The following SHANK2 variants were observed in gnomAD, a reference collection of about 807,000 sequenced individuals.
SHANK2 encodes the protein SH3 and multiple ankyrin repeat domains 2, also known as SH3 and multiple ankyrin repeat domains protein 2.
SHANK2 carries 43 observed loss-of-function variants against 133.7 expected under a neutral mutation model. The observed-to-expected ratio is 0.32, with a 90% CI of 0.25 to 0.41. The LOEUF (loss-of-function observed/expected upper bound fraction) is 0.41, where lower values mean the gene tolerates loss of function less well. Ranked by LOEUF, SHANK2 falls within the 10% of genes least tolerant of loss-of-function variation. The pLI, the probability that SHANK2 is intolerant of heterozygous loss-of-function variation, is 1.00. For missense variants in SHANK2, 1,994 were observed against 2,235.8 expected, an observed-to-expected ratio of 0.89 and a Z score of 2.18; for synonymous variants, 1,017 against 952.8, an observed-to-expected ratio of 1.07 and a Z score of -1.24.
At position 70,797,408 on chromosome 11, in the gene SHANK2, C is replaced by T. The variant is rs73529999; in HGVS notation, c.1777+1035G>A. 2.6e-3 allele frequency among the ~76,000 whole-genome samples: 392 copies of T among 152,322 alleles called. 1 individual carries two copies. Among genetic ancestry groups the T allele is most frequent in the African/African-American group, 9.1e-3 (378 of 41,568 alleles). On this transcript the variant is annotated intron_variant, in intron 14 of 25. Transcript: ENST00000601538. The stretch of plus-strand genomic sequence containing the variant: ...TGTCTAAGCCTGAGCAGGGACTCAT[C>T]AGCAGGGAAGCTGATGCACGAACTG...
At chr11:70,676,698 G>A (rs932037741) in intron 15 of SHANK2, among the ~76,000 whole-genome samples, 6 of 152,140 alleles carry the variant, frequency 3.9e-5, no homozygotes, top group Admixed American at 1.3e-4. Context: ...TAGAAGATAC[G>A]GGCAAAACAC....
intron 8 of SHANK2, among the ~76,000 whole-genome samples, chr11:71,081,084 C>T (rs886117082): frequency 1.1e-4 from 17 of 152,216 alleles, no homozygotes; most frequent in Non-Finnish European, 2.4e-4. Flanking sequence ...CATTAGGGGG[C>T]CCCTAATCCC....
intron 15 of SHANK2, among the ~76,000 whole-genome samples, chr11:70,676,445 G>A (rs545399022): frequency 4.6e-5 from 7 of 152,310 alleles, no homozygotes; most frequent in East Asian, 1.9e-4. Flanking sequence ...TGAGTAGGAC[G>A]TGCTATGGGG....
chr11:70,867,746 T>C (rs150717750), intron 11 of SHANK2, among the ~76,000 whole-genome samples: 11 of 152,220 alleles, frequency 7.2e-5, no homozygotes, highest in Non-Finnish European at 1.3e-4. Flanking sequence ...GTGACAATAT[T>C]CCACTGCTGA....
chr11:70,473,099 A>G lies in SHANK2; in HGVS notation c.5320T>C (p.Ser1774Pro). The G allele has an allele frequency of 6.2e-7, 1 of 1,614,218 alleles. No individual in the cohort carries two copies. The highest frequency in any genetic ancestry group is 8.5e-7 in the Non-Finnish European group (1 of 1,180,040). The change falls in exon 26 of 26, where the codon TCA (serine) becomes CCA (proline). Residue 1774 changes from serine to proline, a missense_variant. Coordinates refer to ENST00000601538, the MANE Select transcript of SHANK2 (RefSeq NM_012309.5). The surrounding 1 kb of genome is among the most constrained non-coding windows in gnomAD (Gnocchi z 5.9). ...GGTTTAGTTGTAAAAGGCTTATTTGAGATTGGCTGTTGCAGTATCGAGGGG... is the reference window on the plus strand; with the variant it reads ...GGTTTAGTTGTAAAAGGCTTATTTGGGATTGGCTGTTGCAGTATCGAGGGG... ...PSPSILQQPI[S>P]NKPFTTKPVH...
chr11:70,886,697 TCACACACA>T (rs10579290), intron 11 of SHANK2, among the ~76,000 whole-genome samples: 159 of 143,554 alleles, frequency 1.1e-3, no homozygotes, highest in African/African-American at 3.4e-3. Flanking sequence ...AATCACACAA[TCACACACA>T]CACACACACA....
intron 17 of SHANK2, among the ~76,000 whole-genome samples, chr11:70,560,879 G>T (rs946950322): frequency 1.3e-5 from 2 of 151,932 alleles, no homozygotes; most frequent in Non-Finnish European, 2.9e-5. Context: ...CGCCTGCCTC[G>T]GCCTCCCAAA....
At chr11:70,935,382 C>T (rs2135818513) in intron 10 of SHANK2, among the ~76,000 whole-genome samples, 1 of 152,254 alleles carries the variant, frequency 6.6e-6, no homozygotes. Context: ...GCTACAGTCT[C>T]ATTTTGCAGA....
chr11:70,648,683 G>A (rs146219078), intron 17 of SHANK2, among the ~76,000 whole-genome samples: 77 of 152,246 alleles, frequency 5.1e-4, no homozygotes, highest in Middle Eastern at 3.4e-3. Flanking sequence ...GGCTTCTCAC[G>A]CTCTCTCTGA....
chr11:70,930,858 G>T (rs1950494463), intron 10 of SHANK2, among the ~76,000 whole-genome samples: 1 of 150,688 alleles, frequency 6.6e-6, no homozygotes, highest in African/African-American at 2.4e-5. Context: ...TTAGAGATGG[G>T]GTCTCACTAT....
At chr11:70,590,074 G>A (rs938392422) in intron 17 of SHANK2, among the ~76,000 whole-genome samples, 1 of 152,234 alleles carries the variant, frequency 6.6e-6, no homozygotes, top group Admixed American at 6.5e-5. Context: ...AGAACGGCGT[G>A]AACCTGGGAG....
At chr11:71,116,860 C>T (rs937871458) in intron 4 of SHANK2, among the ~76,000 whole-genome samples, 7 of 152,134 alleles carry the variant, frequency 4.6e-5, no homozygotes, top group Admixed American at 4.6e-4. Flanking sequence ...GCTCTCACAC[C>T]CCCTCTTGCC....
intron 21 of SHANK2, among the ~76,000 whole-genome samples, chr11:70,499,715 G>A (rs1178533285): frequency 3.9e-5 from 6 of 152,204 alleles, no homozygotes; most frequent in Non-Finnish European, 5.9e-5. Flanking sequence ...TAGAAAGCCC[G>A]CTGGGAGTTT....
At chr11:70,943,800 T>A (rs1409702322) in intron 10 of SHANK2, 2 of 409,940 alleles carry the variant, frequency 4.9e-6, no homozygotes, top group Admixed American at 5.2e-5. Flanking sequence ...GGGTATGAGC[T>A]GCTCCCCTCC....
rs1260029408 is a variant in SHANK2, at chr11:71,191,180, G to GA, written c.-13+33516dup. On this transcript the variant is annotated intron_variant, in intron 2 of 25. Transcript: ENST00000601538. ...AGCAAGACCTTGTCTAAAGAAAAAA[G>GA]AAAAAAAAAATGCAAAAATGAACGC... 4.8e-3 allele frequency among the ~76,000 whole-genome samples: 698 copies of GA among 145,876 alleles called. 9 individuals carry two copies. The highest frequency in any genetic ancestry group is 0.015 in the African/African-American group (591 of 39,844).
intron 21 of SHANK2, among the ~76,000 whole-genome samples, chr11:70,499,688 G>T (rs1336341746): frequency 6.6e-6 from 1 of 152,202 alleles, no homozygotes; most frequent in African/African-American, 2.4e-5. Context: ...CCACATCCTC[G>T]GCGCAGCAGT....
intron 14 of SHANK2, among the ~76,000 whole-genome samples, chr11:70,759,186 A>G (rs1313266605): frequency 7.4e-6 from 1 of 134,366 alleles, no homozygotes; most frequent in Admixed American, 7.5e-5. Context: ...AAACCAAACC[A>G]AAACAAAACA....
At chr11:71,096,676 C>T (rs1194091912) in intron 6 of SHANK2, among the ~76,000 whole-genome samples, 6 of 152,146 alleles carry the variant, frequency 3.9e-5, no homozygotes, top group South Asian at 2.1e-4. Context: ...ACTTAATGAG[C>T]GTGTGACACT....
chr11:70,502,048 C>T lies in SHANK2; in HGVS notation c.2279-117G>A, dbSNP rs139768811. On this transcript the variant is annotated intron_variant, in intron 19 of 25. Coordinates refer to ENST00000601538, the MANE Select transcript of SHANK2 (RefSeq NM_012309.5). The stretch of plus-strand genomic sequence containing the variant: ...CGAGGGAGGTGCACACATGGGGCTG[C>T]GGGGCATGCAGGGGCATTTCCTGAT... 584 of 1,342,770 alleles carry T rather than the reference C, an allele frequency of 4.3e-4. 1 individual carries two copies. The African/African-American group carries it at 6.9e-3, about 16-fold the overall frequency. The allele number at this position is 1,342,770 out of a possible 1,614,324, so 83.2% of individuals were successfully genotyped here. A position where few individuals can be genotyped will look rare whatever the true frequency, so the allele number is the denominator to read the frequency against.
Sources: allele counts gnomAD v4.1 joint callset (sites outside exome capture counted in the v4.1 genomes callset), GRCh38; gene constraint gnomAD v4.1.1; non-coding constraint Gnocchi (gnomAD v3.1); transcripts MANE v1.5; gene names NCBI Gene and HGNC (gene_info 2026-07-23, HGNC 2026-07-21).